Variants in IL1RN observed in about 807,000 individuals in gnomAD.
IL1RN encodes interleukin-1 receptor antagonist protein.
IL1RN carries 10 observed loss-of-function variants against 13.7 expected under a neutral mutation model. That is an observed-to-expected ratio of 0.73 (90% CI 0.45 to 1.24). The LOEUF is 1.24. IL1RN is among the 50% of genes most tolerant of loss of function. The probability of loss-of-function intolerance (pLI) is 0.00; values close to 1 mark genes in which losing one functional copy is unlikely to be tolerated. For synonymous variants in IL1RN, 102 were observed against 82.7 expected (o/e 1.23, Z -1.27); for missense variants, 213 against 222.1 (o/e 0.96, Z 0.26).
At position 113,132,521 on chromosome 2, in the gene IL1RN, G is replaced by A. The variant is rs557542913; in HGVS notation, c.319-135G>A. 3.2e-5 allele frequency: 24 copies of A among 747,688 alleles called. No individual in the cohort carries two copies. The East Asian group carries it at 5.6e-4, about 17-fold the overall frequency. 46.3% of individuals were successfully genotyped at this position (747,688 alleles called of 1,614,324 possible). On this transcript the variant is annotated intron_variant, in intron 3 of 3. Transcript: ENST00000409930. ...GAATGGCAGACAGGAGCACCTGGGGGCTTTTAGGGTATGGCATTTCCCCTG... is the reference window on the plus strand; with the variant it reads ...GAATGGCAGACAGGAGCACCTGGGGACTTTTAGGGTATGGCATTTCCCCTG...
chr2:113,125,977 C>T (rs190936538), upstream of IL1RN, among the ~76,000 whole-genome samples: 11 of 152,106 alleles, frequency 7.2e-5, no homozygotes, highest in African/African-American at 2.6e-4. Flanking sequence ...TTTGCATTTT[C>T]AGTAGAGACG....
rs557124191 is a variant in IL1RN at position 113,112,481 on chromosome 2, T to G, written c.-387-519T>G. Among the ~76,000 whole-genome samples, 4 of 152,312 alleles carry G rather than the reference T, an allele frequency of 2.6e-5. No individual in the cohort carries two copies. In the South Asian group the frequency reaches 8.3e-4, roughly 32 times the overall value. On this transcript the variant is annotated intron_variant, in intron 1 of 8. Transcript: ENST00000409052. ...AACTCTGCCCCAAGCCTGAGGCCCTTGATAAGGTAAAGGGATGTGAGTGTG... is the reference window on the plus strand; with the variant it reads ...AACTCTGCCCCAAGCCTGAGGCCCTGGATAAGGTAAAGGGATGTGAGTGTG...
exon 1 of IL1RN, chr2:113,111,146 A>G (rs1289072751): frequency 1.3e-5 from 2 of 152,238 alleles, no homozygotes; most frequent in African/African-American, 4.8e-5. Context: ...ACATTCGCAT[A>G]TAAGGGCTTG....
At chr2:113,131,216 A>C in intron 3 of IL1RN, 59 bp downstream of exon 3, 1 of 1,036,096 alleles carries the variant, frequency 9.7e-7, no homozygotes, top group East Asian at 2.4e-5. Flanking sequence ...AAACAACCAA[A>C]ATTTTTTCTT....
chr2:113,109,879 T>C (rs551078181), upstream of IL1RN, among the ~76,000 whole-genome samples: 2 of 152,196 alleles, frequency 1.3e-5, no homozygotes, highest in African/African-American at 4.8e-5. Flanking sequence ...ATGACCAAGG[T>C]GCTGTCTTCA....
upstream of IL1RN, among the ~76,000 whole-genome samples, chr2:113,124,016 A>G (rs528267936): frequency 1.3e-5 from 2 of 152,246 alleles, no homozygotes; most frequent in South Asian, 2.1e-4. Flanking sequence ...TGTCCCTCCT[A>G]AGACATGGAC....
intron 3 of IL1RN, among the ~76,000 whole-genome samples, chr2:113,131,660 C>A (rs1159149145): frequency 6.6e-6 from 1 of 151,990 alleles, no homozygotes; most frequent in Admixed American, 6.6e-5. Context: ...GCTCAAGGGC[C>A]CCCCTACCCA....
upstream of IL1RN, among the ~76,000 whole-genome samples, chr2:113,109,183 T>C (rs568902543): frequency 7.2e-5 from 11 of 152,128 alleles, no homozygotes; most frequent in Admixed American, 3.3e-4. Context: ...GAGGCCAAGA[T>C]GGGTGGATCA....
the IL1RN span, among the ~76,000 whole-genome samples, chr2:113,100,325 C>CAAA: frequency 2.5e-5 from 2 of 78,618 alleles, no homozygotes; most frequent in Non-Finnish European, 5.0e-5. Context: ...GACTCCGTCT[C>CAAA]AAAAAAAAAA....
At chr2:113,117,121 C>T (rs912580188), upstream of IL1RN, among the ~76,000 whole-genome samples, 12 of 152,120 alleles carry the variant, frequency 7.9e-5, no homozygotes, top group South Asian at 4.1e-4. Context: ...TCGCTCCCAA[C>T]GGCAAAAAGG....
chr2:113,121,081 T>C (rs914265798), intron 2 of IL1RN, among the ~76,000 whole-genome samples: 1 of 144,360 alleles, frequency 6.9e-6, no homozygotes. Context: ...CCTCCTCTTC[T>C]TCTTCTTCTT....
At chr2:113,124,647 G>A (rs568216437), upstream of IL1RN, among the ~76,000 whole-genome samples, 21 of 152,298 alleles carry the variant, frequency 1.4e-4, no homozygotes, top group African/African-American at 4.8e-4. Flanking sequence ...GTCAGGGCAT[G>A]ATTCATCACG....
upstream of IL1RN, among the ~76,000 whole-genome samples, chr2:113,114,990 G>A (rs1294779249): frequency 2.6e-5 from 4 of 152,198 alleles, no homozygotes; most frequent in African/African-American, 9.7e-5. Context: ...CAGGGAACAA[G>A]AGGGGCTGTT....
At chr2:113,119,442 A>G (rs4251983) in intron 1 of IL1RN, among the ~76,000 whole-genome samples, 31,951 of 152,190 alleles carry the variant, frequency 0.21, 4,109 homozygotes, top group South Asian at 0.28. Context: ...ACACTATGCT[A>G]TGGGGGCACA....
the IL1RN span, among the ~76,000 whole-genome samples, chr2:113,101,612 T>C: frequency 2.0e-5 from 3 of 152,174 alleles, no homozygotes; most frequent in Admixed American, 6.5e-5. Flanking sequence ...TATTTAAATA[T>C]CAAGCCCTGG....
chr2:113,121,497 T>A (rs1431591804), intron 2 of IL1RN: 4 of 985,346 alleles, frequency 4.1e-6, no homozygotes, highest in Non-Finnish European at 3.6e-6. Flanking sequence ...AGCAAGCATG[T>A]ACCGCTGAAA....
chr2:113,115,117 AC>A (rs1283682409), upstream of IL1RN, among the ~76,000 whole-genome samples: 1 of 152,200 alleles, frequency 6.6e-6, no homozygotes, highest in East Asian at 1.9e-4. Flanking sequence ...AAGTTGGCAA[AC>A]AACTCAAGGA....
the IL1RN span, among the ~76,000 whole-genome samples, chr2:113,101,433 C>T: frequency 6.6e-6 from 1 of 152,258 alleles, no homozygotes; most frequent in East Asian, 1.9e-4. Context: ...GGGAAAACAA[C>T]TTATAATTTT....
upstream of IL1RN, chr2:113,113,051 A>G (rs1392822610): frequency 6.6e-6 from 1 of 152,218 alleles, no homozygotes; most frequent in Non-Finnish European, 1.5e-5. Context: ...CTTGAATAAT[A>G]TCAGGAAGAT....
Sources: allele counts gnomAD v4.1 joint callset (sites outside exome capture counted in the v4.1 genomes callset), GRCh38; gene constraint gnomAD v4.1.1; transcripts MANE v1.5; gene names NCBI Gene and HGNC (gene_info 2026-07-23, HGNC 2026-07-21).